The following ROBO2 variants were observed in gnomAD, a reference collection of about 807,000 sequenced individuals.
ROBO2 encodes the protein roundabout guidance receptor 2, also known as roundabout homolog 2.
ROBO2 carries 53 observed loss-of-function variants against 160.8 expected under a neutral mutation model. The observed-to-expected ratio is 0.33, with a 90% CI of 0.26 to 0.41. ROBO2 has a LOEUF of 0.41. ROBO2 is among the 10% of genes least tolerant of loss of function. The probability of loss-of-function intolerance (pLI) is 1.00; values close to 1 mark genes in which losing one functional copy is unlikely to be tolerated. For synonymous variants in ROBO2, 664 were observed against 611.7 expected (o/e 1.09, Z -1.26); for missense variants, 1,577 against 1,722.4 (o/e 0.92, Z 1.49).
chr3:77,027,415 C>G (rs1422114807), intron 2 of ROBO2, among the ~76,000 whole-genome samples: 1 of 152,170 alleles, frequency 6.6e-6, no homozygotes, highest in Non-Finnish European at 1.5e-5. Context: ...GAGGCTGATA[C>G]TTCCAAAGTT....
At chr3:76,966,926 T>G (rs2059324932) in intron 2 of ROBO2, among the ~76,000 whole-genome samples, 1 of 152,206 alleles carries the variant, frequency 6.6e-6, no homozygotes, top group Admixed American at 6.5e-5. Context: ...AGACTTTGCT[T>G]GAAGAGCAGG....
At chr3:76,679,504 G>C (rs1479068761) in intron 2 of ROBO2, among the ~76,000 whole-genome samples, 3 of 151,982 alleles carry the variant, frequency 2.0e-5, no homozygotes, top group Non-Finnish European at 4.4e-5. Flanking sequence ...AAACTATATA[G>C]GCATGCTTTA....
intron 2 of ROBO2, among the ~76,000 whole-genome samples, chr3:76,048,860 A>G (rs2067544913): frequency 6.6e-6 from 1 of 152,186 alleles, no homozygotes; most frequent in South Asian, 2.1e-4. Context: ...TGAATGAGGG[A>G]ACGGAATTGT....
intron 2 of ROBO2, among the ~76,000 whole-genome samples, chr3:77,118,491 T>A (rs1168053854): frequency 6.6e-6 from 1 of 152,230 alleles, no homozygotes; most frequent in Non-Finnish European, 1.5e-5. Flanking sequence ...TTAAATGTGA[T>A]GCCTAGCACT....
At chr3:76,825,593 T>A (rs2066504008) in intron 2 of ROBO2, among the ~76,000 whole-genome samples, 2 of 108,372 alleles carry the variant, frequency 1.8e-5, no homozygotes, top group Non-Finnish European at 3.5e-5. Flanking sequence ...TACCCTTTCA[T>A]CATCTTAGCC....
intron 2 of ROBO2, among the ~76,000 whole-genome samples, chr3:75,998,955 C>A (rs1257563069): frequency 1.3e-5 from 2 of 152,172 alleles, no homozygotes; most frequent in African/African-American, 4.8e-5. Context: ...CTTCATTTCT[C>A]CGCCCTTTTA....
chr3:76,348,705 C>T (rs929756823), intron 2 of ROBO2, among the ~76,000 whole-genome samples: 1 of 152,126 alleles, frequency 6.6e-6, no homozygotes, highest in Non-Finnish European at 1.5e-5. Flanking sequence ...TCCATCTCCC[C>T]TTCCTCCTTT....
chr3:77,294,508 T>G (rs1319680571), intron 2 of ROBO2, among the ~76,000 whole-genome samples: 1 of 144,902 alleles, frequency 6.9e-6, no homozygotes, highest in Admixed American at 6.8e-5. Flanking sequence ...AGACATTAAG[T>G]AAAATTGATG....
At chr3:76,863,007 A>G (rs1416679741) in intron 2 of ROBO2, among the ~76,000 whole-genome samples, 1 of 152,098 alleles carries the variant, frequency 6.6e-6, no homozygotes, top group Non-Finnish European at 1.5e-5. Flanking sequence ...TCTAGAACAC[A>G]TACCTAATCA....
intron 2 of ROBO2, among the ~76,000 whole-genome samples, chr3:76,621,633 C>T (rs2089089529): frequency 6.6e-6 from 1 of 152,166 alleles, no homozygotes; most frequent in Non-Finnish European, 1.5e-5. Flanking sequence ...AATAATAGCA[C>T]CCACTTCATA....
At chr3:77,370,542 A>G (rs1276077566) in intron 2 of ROBO2, among the ~76,000 whole-genome samples, 1 of 152,174 alleles carries the variant, frequency 6.6e-6, no homozygotes, top group Non-Finnish European at 1.5e-5. Flanking sequence ...GTATTGGGTT[A>G]TCCAGTGGGC....
At chr3:76,308,993 C>G (rs2071448344) in intron 2 of ROBO2, among the ~76,000 whole-genome samples, 1 of 152,158 alleles carries the variant, frequency 6.6e-6, no homozygotes, top group African/African-American at 2.4e-5. Context: ...TATCCACACA[C>G]TTTTATTATA....
intron 2 of ROBO2, among the ~76,000 whole-genome samples, chr3:76,905,280 A>G (rs1321425301): frequency 1.3e-5 from 2 of 152,158 alleles, no homozygotes; most frequent in Non-Finnish European, 2.9e-5. Context: ...GGGAGGCGTT[A>G]TAATCGGGAT....
At chr3:77,369,144 C>G (rs916767564) in intron 2 of ROBO2, among the ~76,000 whole-genome samples, 1 of 152,132 alleles carries the variant, frequency 6.6e-6, no homozygotes, top group Non-Finnish European at 1.5e-5. Flanking sequence ...CCAAAGCTGT[C>G]CTGGGACTAG....
intron 2 of ROBO2, among the ~76,000 whole-genome samples, chr3:76,939,769 G>A (rs542633029): frequency 8.5e-5 from 13 of 152,072 alleles, no homozygotes; most frequent in African/African-American, 2.9e-4. Flanking sequence ...GGGCCACGGA[G>A]CAAGATTCTA....
intron 2 of ROBO2, among the ~76,000 whole-genome samples, chr3:77,143,898 G>GCTA: frequency 6.6e-6 from 1 of 151,532 alleles, no homozygotes; most frequent in South Asian, 2.1e-4. Flanking sequence ...AAGTTGTTTT[G>GCTA]CTACTCTATT....
chr3:76,717,676 T>A (rs1203201016), intron 2 of ROBO2, among the ~76,000 whole-genome samples: 3 of 151,766 alleles, frequency 2.0e-5, no homozygotes, highest in Non-Finnish European at 4.4e-5. Context: ...TAGGTAAGAG[T>A]TTTGATATTC....
rs116349754 is a variant in ROBO2, at chr3:76,523,370, A to G, written c.110-574644A>G. 7.2e-3 allele frequency among the ~76,000 whole-genome samples: 1,094 copies of G among 152,028 alleles called. 8 individuals are homozygous for G. Among genetic ancestry groups the G allele is most frequent in the Non-Finnish European group, 0.011 (758 of 67,952 alleles). On this transcript the variant is annotated intron_variant, in intron 2 of 26. Coordinates refer to the ROBO2 transcript ENST00000487694. ...TATCTCATTTTACCTTCCTTCTGTTACTTGGACATGTCTTGAATTTTCTGC... is the reference window on the plus strand; with the variant it reads ...TATCTCATTTTACCTTCCTTCTGTTGCTTGGACATGTCTTGAATTTTCTGC...
intron 4 of ROBO2, among the ~76,000 whole-genome samples, chr3:77,483,277 A>C (rs2084923239): frequency 6.6e-6 from 1 of 152,074 alleles, no homozygotes; most frequent in South Asian, 2.1e-4. Flanking sequence ...AACAAAAAAA[A>C]CAAAGTGATG....
Sources: allele counts gnomAD v4.1 joint callset (sites outside exome capture counted in the v4.1 genomes callset), GRCh38; gene constraint gnomAD v4.1.1; transcripts MANE v1.5; gene names NCBI Gene and HGNC (gene_info 2026-07-23, HGNC 2026-07-21).